Variants in ORC6 observed in about 807,000 individuals in gnomAD.
The protein encoded by ORC6 is origin recognition complex, subunit 6 homolog-like (yeast).
A neutral mutation model predicts 30.0 loss-of-function variants in ORC6; 31 were observed. The observed-to-expected ratio is 1.03, with a 90% CI of 0.78 to 1.40. The LOEUF (loss-of-function observed/expected upper bound fraction) is 1.40, where lower values mean the gene tolerates loss of function less well. Ranked by LOEUF, ORC6 falls within the 40% of genes most tolerant of loss-of-function variation. The probability of loss-of-function intolerance (pLI) is 0.00; values close to 1 mark genes in which losing one functional copy is unlikely to be tolerated. For missense variants in ORC6, 340 were observed against 304.3 expected, an observed-to-expected ratio of 1.12 and a Z score of -0.87; for synonymous variants, 136 against 111.2, an observed-to-expected ratio of 1.22 and a Z score of -1.40.
chr16:46,693,514 T>C, intron 4 of ORC6: 1 of 368,634 alleles, frequency 2.7e-6, no homozygotes, highest in South Asian at 2.4e-5. Context: ...TAAAAAGTAC[T>C]GGTTGGGCCA....
chr16:46,692,673 G>A lies in ORC6; in HGVS notation c.359+128G>A, dbSNP rs1021003778. 1.4e-4 allele frequency: 109 copies of A among 773,006 alleles called. No individual in the cohort carries two copies. The Admixed American group carries it at 2.0e-3, about 14-fold the overall frequency. The allele number at this position is 773,006 out of a possible 1,614,324, so 47.9% of individuals were successfully genotyped here. A position where few individuals can be genotyped will look rare whatever the true frequency, so the allele number is the denominator to read the frequency against. On this transcript the variant is annotated intron_variant, in intron 3 of 6. Transcript: ENST00000219097. ...TCATGTGGTCAGGAGTTCAAGACCAGCCTGGCCAACATGGTGAAACCCCAT... is the reference window on the plus strand; with the variant it reads ...TCATGTGGTCAGGAGTTCAAGACCAACCTGGCCAACATGGTGAAACCCCAT...
chr16:46,693,066 A>G (rs1449515732), intron 3 of ORC6, 27 bp from the exon 4 acceptor site: 1 of 1,408,508 alleles, frequency 7.1e-7, no homozygotes, highest in Non-Finnish European at 1.0e-6. Flanking sequence ...TTTCTAACAG[A>G]TAATTCTGCA....
At position 46,696,049 on chromosome 16, in the gene ORC6, A is replaced by G. The variant is rs754955312; in HGVS notation, c.595A>G (p.Lys199Glu). 6.2e-7 allele frequency: 1 copy of G among 1,613,604 alleles called. No individual in the cohort carries two copies. Among genetic ancestry groups the G allele is most frequent in the South Asian group, 1.1e-5 (1 of 91,070 alleles). ...TGGAGATGTAGCTACTCCACCACGG[A>G]AGAGAAAGAAGATAGTGGTTGAAGC... ...EPGDVATPPRKRKKIVVEAPA... is the reference protein window; with the variant it reads ...EPGDVATPPRERKKIVVEAPA... Residue 199 changes from lysine (K) to glutamate (E), a missense_variant, in exon 6 of 7, where the codon AAG becomes GAG. Physicochemically the swap from Lys to Glu is moderately conservative, Grantham distance 56. Coordinates refer to ENST00000219097, the MANE Select transcript of ORC6 (RefSeq NM_014321.4).
In ORC6 at chr16:46,691,019, C is replaced by A. The variant is rs3218744; in HGVS notation, c.94C>A (p.Arg32=). The change falls in exon 2 of 7, where the codon CGG becomes AGG. Residue 32 remains arginine, a synonymous_variant. Coordinates refer to ENST00000219097, the MANE Select transcript of ORC6 (RefSeq NM_014321.4). ...RKAEEYLRLS[R]VKCVGLSART... ...AGCAGAGGAGTACTTGCGCCTGTCC[C>A]GGGTGAAGTGTGTCGGCCTCTCCGC... is the stretch of plus-strand genomic sequence containing the variant. The A allele has an allele frequency of 1.7e-5, 27 of 1,614,066 alleles. No individual in the cohort carries two copies. The highest frequency in any genetic ancestry group is 2.2e-5 in the Non-Finnish European group (26 of 1,180,020).
In ORC6 at chr16:46,697,455, CAG is replaced by C; in HGVS notation, c.632-1_632del. On this transcript the variant is annotated splice_acceptor_variant, in intron 6 of 6. Transcript: ENST00000219097. LOFTEE classifies it high-confidence loss of function. ...GAAATTGCTTTTGATAATTTTCTGT[CAG>C]AAATGGAGAAGGTAGAGGAGATGCC... The C allele has an allele frequency of 6.2e-6, 10 of 1,610,666 alleles. No individual in the cohort carries two copies. The highest frequency in any genetic ancestry group is 8.5e-6 in the Non-Finnish European group (10 of 1,177,528).
At chr16:46,696,486 G>T (rs1395049734) in intron 6 of ORC6, among the ~76,000 whole-genome samples, 1 of 152,168 alleles carries the variant, frequency 6.6e-6, no homozygotes, top group Admixed American at 6.5e-5. Flanking sequence ...TTGTCTTTCG[G>T]AGGTTCTTTT....
chr16:46,690,438 T>G (rs1233683737), intron 1 of ORC6, among the ~76,000 whole-genome samples: 1 of 152,176 alleles, frequency 6.6e-6, no homozygotes, highest in African/African-American at 2.4e-5. Flanking sequence ...TTAAAAGATT[T>G]GAAGACAAAC....
At chr16:46,694,565 C>T (rs1303517896) in intron 4 of ORC6, 4 of 94,954 alleles carry the variant, frequency 4.2e-5, no homozygotes, top group Non-Finnish European at 6.4e-5. Flanking sequence ...CCCTCCCGGA[C>T]GGGGCAGCTG....
At chr16:46,695,256 C>T (rs1219457015) in intron 4 of ORC6, 3 of 318,368 alleles carry the variant, frequency 9.4e-6, no homozygotes, top group Non-Finnish European at 1.8e-5. Context: ...CAAAAAAGTC[C>T]TATGATTGTC....
In ORC6 at chr16:46,693,119, A is replaced by T. The variant is rs774584890; in HGVS notation, c.386A>T (p.Gln129Leu). 31 of 1,612,176 alleles carry T rather than the reference A, an allele frequency of 1.9e-5. No homozygotes were observed. The highest frequency in any genetic ancestry group is 2.6e-5 in the Non-Finnish European group (31 of 1,178,306). ...TATGAGTCCAGTCTTCCCCAGACACAGCAAGTGGATCTTGACTTATCCAGG... is the reference window on the plus strand; with the variant it reads ...TATGAGTCCAGTCTTCCCCAGACACTGCAAGTGGATCTTGACTTATCCAGG... ...KSYESSLPQT[Q>L]QVDLDLSRPL... Residue 129 changes from glutamine to leucine, a missense_variant, in exon 4 of 7, where the codon CAG becomes CTG. Coordinates refer to ENST00000219097, the MANE Select transcript of ORC6 (RefSeq NM_014321.4).
In ORC6 at chr16:46,691,023, T is replaced by G. The variant is rs1438884073; in HGVS notation, c.98T>G (p.Val33Gly). The part of the protein sequence containing the change: ...KAEEYLRLSR[V>G]KCVGLSARTT... ...GAGGAGTACTTGCGCCTGTCCCGGG[T>G]GAAGTGTGTCGGCCTCTCCGCACGC... Residue 33 changes from valine to glycine, a missense_variant, in exon 2 of 7, where the codon GTG (valine) becomes GGG (glycine). By Grantham distance (109) the Val-to-Gly change is moderately radical. Transcript: ENST00000219097. 3 of 1,614,054 alleles carry G rather than the reference T, an allele frequency of 1.9e-6. No individual in the cohort carries two copies. The highest frequency in any genetic ancestry group is 2.5e-6 in the Non-Finnish European group (3 of 1,180,026).
chr16:46,690,912 C>T, intron 1 of ORC6, 79 bp from the exon 2 acceptor site: 2 of 1,479,610 alleles, frequency 1.4e-6, no homozygotes, highest in South Asian at 1.1e-5. Context: ...TGAAGCTAAC[C>T]AGGCTGTATT....
At chr16:46,692,345 G>A (rs1258787527) in intron 2 of ORC6, 37 bp from the exon 3 acceptor site, 11 of 1,571,582 alleles carry the variant, frequency 7.0e-6, no homozygotes, top group Non-Finnish European at 9.6e-6. Context: ...AGAACTTAAG[G>A]TTTTTATGAT....
Position 46,691,319 on chromosome 16 carries a change from T to C in ORC6, c.195+199T>C, listed in dbSNP as rs148369494. On this transcript the variant is annotated intron_variant, in intron 2 of 6. Coordinates refer to ENST00000219097, the MANE Select transcript of ORC6 (RefSeq NM_014321.4). Reference sequence around the variant, plus strand: ...CATGTTTTCTTTACTCTTCACTGTTTTCCCTGACCACCTCTTTCTCGGCTA... The same window carrying C: ...CATGTTTTCTTTACTCTTCACTGTTCTCCCTGACCACCTCTTTCTCGGCTA... Among the ~76,000 whole-genome samples, 305 of 152,394 alleles carry C rather than the reference T, an allele frequency of 2.0e-3. 2 individuals are homozygous for C. Among genetic ancestry groups the C allele is most frequent in the African/African-American group, 6.9e-3 (289 of 41,604 alleles).
chr16:46,690,908 T>C, intron 1 of ORC6, 83 bp from the exon 2 acceptor site: 1 of 1,460,234 alleles, frequency 6.8e-7, no homozygotes, highest in East Asian at 2.3e-5. Context: ...AGTGTGAAGC[T>C]AACCAGGCTG....
intron 3 of ORC6, 68 bp from the exon 4 acceptor site, chr16:46,693,025 T>C (rs879534451): frequency 1.1e-5 from 12 of 1,064,250 alleles, no homozygotes; most frequent in Non-Finnish European, 1.6e-5. Context: ...TAAGTTCTGG[T>C]TGATACTTTC....
rs60635029 is a variant in ORC6 at position 46,698,183 on chromosome 16, G to GGATAGATA, written c.*623_*630dup. ...CTTATAGATAGATAGATAGATAGAT[G>GGATAGATA]GATAGATAGATAGATAGATAGATAG... On this transcript the variant is annotated 3_prime_UTR_variant, in exon 7 of 7. Coordinates refer to ENST00000219097, the MANE Select transcript of ORC6 (RefSeq NM_014321.4). 13,240 of 430,334 alleles carry GGATAGATA rather than the reference G, an allele frequency of 0.031. 249 individuals are homozygous for GGATAGATA. Among genetic ancestry groups the GGATAGATA allele is most frequent in the East Asian group, 0.068 (953 of 13,930 alleles). The allele number at this position is 430,334 out of a possible 1,614,324, so 26.7% of individuals were successfully genotyped here. A position where few individuals can be genotyped will look rare whatever the true frequency, so the allele number is the denominator to read the frequency against.
At chr16:46,692,182 T>C (rs1454477984) in intron 2 of ORC6, among the ~76,000 whole-genome samples, 200 bp from the exon 3 acceptor site, 2 of 152,196 alleles carry the variant, frequency 1.3e-5, no homozygotes, top group Non-Finnish European at 2.9e-5. Flanking sequence ...TTGCATAGTT[T>C]GAACTCTTTG....
Position 46,689,730 on chromosome 16 carries a change from C to A in ORC6, c.25C>A (p.Leu9Ile), listed in dbSNP as rs1329167923. The change falls in exon 1 of 7, where the codon CTA becomes ATA. Residue 9 changes from leucine (L) to isoleucine (I), a missense_variant. Leu to Ile is a conservative substitution (Grantham distance 5). Coordinates refer to ENST00000219097, the MANE Select transcript of ORC6 (RefSeq NM_014321.4). ...CATGGGGTCGGAGCTGATCGGGCGCCTAGCCCCGCGCCTGGGCCTCGCCGA... is the reference window on the plus strand; with the variant it reads ...CATGGGGTCGGAGCTGATCGGGCGCATAGCCCCGCGCCTGGGCCTCGCCGA... MGSELIGR[L>I]APRLGLAEPD... The A allele has an allele frequency of 1.2e-6, 2 of 1,602,756 alleles. No homozygotes were observed. The highest frequency in any genetic ancestry group is 1.7e-5 in the Admixed American group (1 of 58,784).
Sources: gnomAD v4.1 joint callset for allele counts (sites outside exome capture counted in the v4.1 genomes callset) on GRCh38, gnomAD v4.1.1 for gene constraint, MANE v1.5 for transcripts, NCBI Gene and HGNC (gene_info 2026-07-23, HGNC 2026-07-21) for gene names.